ASIC2: variants seen among roughly 807,000 people sequenced by gnomAD.
ASIC2 encodes acid-sensing ion channel 2.
Under a neutral mutation model 57.3 loss-of-function variants are expected in ASIC2, and 25 were observed. The ratio of observed to expected loss-of-function variants is 0.44; its 90% CI spans 0.32 to 0.61. The LOEUF (loss-of-function observed/expected upper bound fraction) is 0.61, where lower values mean the gene tolerates loss of function less well. ASIC2 is among the 20% of genes least tolerant of loss of function. The pLI, the probability that ASIC2 is intolerant of heterozygous loss-of-function variation, is 0.06. For synonymous variants in ASIC2, 319 were observed against 307.5 expected, an observed-to-expected ratio of 1.04 and a Z score of -0.39; for missense variants, 641 against 738.1, an observed-to-expected ratio of 0.87 and a Z score of 1.52.
chr17:33,796,510 T>A (rs531638472), intron 1 of ASIC2, among the ~76,000 whole-genome samples: 1 of 152,284 alleles, frequency 6.6e-6, no homozygotes, highest in Non-Finnish European at 1.5e-5. Context: ...TAGATAATAC[T>A]GATATTACAA....
chr17:33,481,332 T>A (rs1913397402), intron 1 of ASIC2, among the ~76,000 whole-genome samples: 2 of 152,204 alleles, frequency 1.3e-5, no homozygotes, highest in South Asian at 4.1e-4. Flanking sequence ...TCTCTTCCTG[T>A]CCTCCCACCT....
chr17:33,853,569 G>A (rs1275870724), intron 1 of ASIC2, among the ~76,000 whole-genome samples: 10 of 152,222 alleles, frequency 6.6e-5, no homozygotes, highest in African/African-American at 2.4e-4. Flanking sequence ...TCAAGATCCT[G>A]TAAGAGTCAT....
At chr17:33,434,117 A>AAAAT (rs1376398682) in intron 1 of ASIC2, among the ~76,000 whole-genome samples, 2 of 151,892 alleles carry the variant, frequency 1.3e-5, no homozygotes, top group Non-Finnish European at 2.9e-5. Context: ...CTCCTCTCAA[A>AAAAT]AAATAAATAA....
chr17:34,056,640 T>C (rs1908775361), intron 1 of ASIC2, among the ~76,000 whole-genome samples: 1 of 152,106 alleles, frequency 6.6e-6, no homozygotes, highest in Non-Finnish European at 1.5e-5. Context: ...AACTAACTAA[T>C]TAATAATACA....
chr17:33,503,587 G>A (rs2141943584), intron 1 of ASIC2, among the ~76,000 whole-genome samples: 1 of 152,142 alleles, frequency 6.6e-6, no homozygotes, highest in South Asian at 2.1e-4. Flanking sequence ...TCTGTTGCTG[G>A]CCCACAGAGG....
intron 1 of ASIC2, among the ~76,000 whole-genome samples, chr17:33,603,508 C>T (rs1286173967): frequency 2.0e-5 from 3 of 152,072 alleles, no homozygotes. Context: ...TCTGGCCCAG[C>T]ACCCAGAAGA....
intron 1 of ASIC2, among the ~76,000 whole-genome samples, chr17:33,640,773 C>G (rs1295748514): frequency 6.6e-6 from 1 of 152,144 alleles, no homozygotes; most frequent in Non-Finnish European, 1.5e-5. Flanking sequence ...TTAGTTATCT[C>G]TAGAGTCCCT....
chr17:33,771,761 G>T (rs952164965), intron 1 of ASIC2, among the ~76,000 whole-genome samples: 4 of 152,098 alleles, frequency 2.6e-5, no homozygotes, highest in African/African-American at 9.7e-5. Flanking sequence ...ACATATTTCT[G>T]GGCTTCATGT....
chr17:34,135,151 C>T (rs1278801503), intron 1 of ASIC2, among the ~76,000 whole-genome samples: 2 of 152,196 alleles, frequency 1.3e-5, no homozygotes, highest in Non-Finnish European at 2.9e-5. Context: ...AATTCCAAAA[C>T]AGAACTTCAC....
In ASIC2 at chr17:33,989,317, C is replaced by T. The variant is rs541354318; in HGVS notation, c.555+166661G>A. Reference sequence around the variant, plus strand: ...CAGGTTTTAAGCTCAGTGGAGAAAGCAGGCCTCCAGGATTGGGAGGTGTGA... The same window carrying T: ...CAGGTTTTAAGCTCAGTGGAGAAAGTAGGCCTCCAGGATTGGGAGGTGTGA... On this transcript the variant is annotated intron_variant, in intron 1 of 9. Coordinates refer to the ASIC2 transcript ENST00000359872. Among the ~76,000 whole-genome samples, 4 of 152,128 alleles carry T rather than the reference C, an allele frequency of 2.6e-5. No individual in the cohort carries two copies. In the South Asian group the frequency reaches 8.3e-4, roughly 32 times the overall value.
intron 1 of ASIC2, among the ~76,000 whole-genome samples, chr17:33,988,932 A>AG (rs1905914505): frequency 1.3e-5 from 2 of 151,920 alleles, no homozygotes; most frequent in Admixed American, 1.3e-4. Flanking sequence ...CTGAGCCAAA[A>AG]CTTTGCCCCA....
At chr17:33,021,142 TC>T in intron 7 of ASIC2, 76 bp downstream of exon 7, 1 of 1,116,948 alleles carries the variant, frequency 9.0e-7, no homozygotes, top group South Asian at 1.4e-5. Flanking sequence ...TCTGCTTGCC[TC>T]CCATCCACCT....
At chr17:33,854,830 C>T (rs1913873552) in intron 1 of ASIC2, among the ~76,000 whole-genome samples, 1 of 151,974 alleles carries the variant, frequency 6.6e-6, no homozygotes, top group Admixed American at 6.6e-5. Context: ...GTGGGATTGT[C>T]CTTCCCTGTG....
chr17:33,420,100 G>A (rs929629039), intron 1 of ASIC2, among the ~76,000 whole-genome samples: 3 of 152,128 alleles, frequency 2.0e-5, no homozygotes, highest in Non-Finnish European at 4.4e-5. Context: ...CATAAGCTGC[G>A]CTATATTTCC....
intron 1 of ASIC2, among the ~76,000 whole-genome samples, chr17:33,405,332 T>C (rs982991633): frequency 6.6e-6 from 1 of 152,112 alleles, no homozygotes. Context: ...GGGTACAACT[T>C]TCCAAAGTAG....
chr17:33,972,705 G>T (rs1905256499), intron 1 of ASIC2, among the ~76,000 whole-genome samples: 1 of 152,362 alleles, frequency 6.6e-6, no homozygotes, highest in South Asian at 2.1e-4. Context: ...TATAAGACTA[G>T]CTCCTGCCAC....
At chr17:33,970,856 C>G (rs1419761207) in intron 1 of ASIC2, among the ~76,000 whole-genome samples, 1 of 152,132 alleles carries the variant, frequency 6.6e-6, no homozygotes, top group Non-Finnish European at 1.5e-5. Flanking sequence ...GAAATCTTCC[C>G]CCAACAGGCA....
In ASIC2 at chr17:33,213,374, A is replaced by G. The variant is rs1364580335; in HGVS notation, c.708+78034T>C. 2.6e-5 allele frequency among the ~76,000 whole-genome samples: 4 copies of G among 152,354 alleles called. No individual in the cohort carries two copies. The East Asian group carries it at 5.8e-4, about 22-fold the overall frequency. ...AGGAACAAGAGGGGCTGGCAATTTC[A>G]GGGAAGAGAAGGAAATGATGATGGG... On this transcript the variant is annotated intron_variant, in intron 1 of 9. Transcript: ENST00000225823.
intron 3 of ASIC2, among the ~76,000 whole-genome samples, chr17:33,062,108 A>C (rs2092023173): frequency 6.6e-6 from 1 of 151,926 alleles, no homozygotes; most frequent in African/African-American, 2.4e-5. Flanking sequence ...TTTTCAAAAA[A>C]CCAGCTCCTG....
Sources: allele counts gnomAD v4.1 joint callset (sites outside exome capture counted in the v4.1 genomes callset), GRCh38; gene constraint gnomAD v4.1.1; transcripts MANE v1.5; gene names NCBI Gene and HGNC (gene_info 2026-07-23, HGNC 2026-07-21).